The following EVL variants were observed in gnomAD, a reference collection of about 807,000 sequenced individuals.
EVL encodes Enah/Vasp-like.
Under a neutral mutation model 59.6 loss-of-function variants are expected in EVL, and 21 were observed. The observed-to-expected ratio is 0.35, with a 90% CI of 0.25 to 0.51. EVL has a LOEUF of 0.51. EVL is among the 20% of genes least tolerant of loss of function. The pLI, the probability that EVL is intolerant of heterozygous loss-of-function variation, is 0.97. For synonymous variants in EVL, 198 were observed against 203.5 expected (o/e 0.97, Z 0.23); for missense variants, 462 against 546.6 (o/e 0.85, Z 1.54).
At chr14:100,080,826 A>C (rs913544850) in intron 1 of EVL, among the ~76,000 whole-genome samples, 1 of 152,204 alleles carries the variant, frequency 6.6e-6, no homozygotes, top group African/African-American at 2.4e-5. Flanking sequence ...CTCCCCAACT[A>C]ATCAACAGAT....
chr14:100,018,313 G>T (rs2061068489), intron 1 of EVL, among the ~76,000 whole-genome samples: 1 of 152,224 alleles, frequency 6.6e-6, no homozygotes, highest in African/African-American at 2.4e-5. Flanking sequence ...TGGTCCATGG[G>T]CCCGAGAAGG....
intron 2 of EVL, among the ~76,000 whole-genome samples, chr14:100,087,799 G>A (rs940467186): frequency 1.4e-5 from 2 of 146,318 alleles, no homozygotes; most frequent in Non-Finnish European, 3.0e-5. Flanking sequence ...CTCTGCGTGG[G>A]TCATTCTTCC....
intron 1 of EVL, among the ~76,000 whole-genome samples, chr14:100,055,387 T>TAAA: frequency 6.6e-6 from 1 of 152,214 alleles, no homozygotes; most frequent in East Asian, 1.9e-4. Context: ...AGTATTCAGT[T>TAAA]GGATGCTCCC....
At chr14:100,139,885 C>CCAAGT (rs1222720167) in intron 11 of EVL, 1 of 152,226 alleles carries the variant, frequency 6.6e-6, no homozygotes, top group African/African-American at 2.4e-5. Flanking sequence ...TCTTTCAGCA[C>CCAAGT]CAAGTCATGT....
chr14:99,993,037 A>G (rs781019182), intron 1 of EVL, among the ~76,000 whole-genome samples: 2 of 148,882 alleles, frequency 1.3e-5, no homozygotes, highest in African/African-American at 2.5e-5. Context: ...CATTCCAGGC[A>G]TTGGTGGTGG....
At chr14:100,094,074 G>A (rs1885633834) in intron 2 of EVL, among the ~76,000 whole-genome samples, 1 of 152,076 alleles carries the variant, frequency 6.6e-6, no homozygotes, top group African/African-American at 2.4e-5. Flanking sequence ...TATCCACTGG[G>A]GGTCTTGGAA....
chr14:100,102,161 A>G (rs1886262229), intron 3 of EVL: 1 of 434,446 alleles, frequency 2.3e-6, no homozygotes, highest in Non-Finnish European at 4.7e-6. Context: ...CCTTACTGGT[A>G]AGGGTGAACA....
intron 1 of EVL, among the ~76,000 whole-genome samples, chr14:100,002,056 G>C (rs2060949270): frequency 6.6e-6 from 1 of 152,138 alleles, no homozygotes; most frequent in Non-Finnish European, 1.5e-5. Flanking sequence ...TCTGTCAATA[G>C]CTCAAAAGAA....
chr14:100,059,378 T>G (rs992335304), intron 1 of EVL, among the ~76,000 whole-genome samples: 2 of 152,276 alleles, frequency 1.3e-5, no homozygotes, highest in Middle Eastern at 3.4e-3. Flanking sequence ...GGGCAGAAAT[T>G]AGAATTCTAC....
chr14:100,067,771 G>A (rs1463153887), intron 1 of EVL, among the ~76,000 whole-genome samples: 1 of 152,252 alleles, frequency 6.6e-6, no homozygotes, highest in Non-Finnish European at 1.5e-5. Context: ...CTCAGGGACT[G>A]GTAGGGAGTG....
intron 1 of EVL, among the ~76,000 whole-genome samples, chr14:100,017,981 A>G (rs952732282): frequency 2.0e-5 from 3 of 152,266 alleles, no homozygotes; most frequent in Non-Finnish European, 4.4e-5. Flanking sequence ...GTGCGAATGC[A>G]TGTACTGGAT....
chr14:100,037,929 A>G (rs2061411562), intron 1 of EVL, among the ~76,000 whole-genome samples: 2 of 152,240 alleles, frequency 1.3e-5, no homozygotes, highest in South Asian at 2.1e-4. Context: ...ACAATATGTC[A>G]TTTCATTAAC....
chr14:100,130,652 T>C lies in EVL; in HGVS notation c.839+968T>C, dbSNP rs546917499. On this transcript the variant is annotated intron_variant, in intron 7 of 13. Coordinates refer to ENST00000392920, the MANE Select transcript of EVL (RefSeq NM_016337.3). The surrounding 1 kb of genome is among the most constrained non-coding windows in gnomAD (Gnocchi z 4.8). ...CTCTCATTACCTTCCCGTGGCTCCA[T>C]GAGGATGATGCGAGATGACAGAGGC... Among the ~76,000 whole-genome samples, 276 of 152,262 alleles carry C rather than the reference T, an allele frequency of 1.8e-3. No homozygotes were observed. The highest frequency in any genetic ancestry group is 4.6e-3 in the Admixed American group (70 of 15,298).
chr14:100,121,607 G>C (rs1018702757), intron 3 of EVL, among the ~76,000 whole-genome samples: 18 of 152,226 alleles, frequency 1.2e-4, no homozygotes, highest in African/African-American at 4.3e-4. Flanking sequence ...CTTAGGTGCA[G>C]GGGCCAGAGC....
At position 100,137,601 on chromosome 14, in the gene EVL, C is replaced by T. The variant is rs1331970205; in HGVS notation, c.988C>T (p.Arg330Trp). 3.7e-6 allele frequency: 6 copies of T among 1,613,976 alleles called. No homozygotes were observed. Among genetic ancestry groups the T allele is most frequent in the East Asian group, 2.2e-5 (1 of 44,882 alleles). ...SSEAGRKPWE[R>W]SNSVEKPVSS... ...AGAGGCTGGCCGGAAGCCCTGGGAG[C>T]GGAGCAACTCGGTGGAGAAGCCTGT... The change falls in exon 10 of 14, where the codon CGG (arginine) becomes TGG (tryptophan). Residue 330 changes from arginine to tryptophan, a missense_variant. Arg to Trp is a moderately radical substitution (Grantham distance 101). Transcript: ENST00000392920.
At chr14:100,101,972 TG>T (rs1265560575) in intron 3 of EVL, among the ~76,000 whole-genome samples, 3 of 152,030 alleles carry the variant, frequency 2.0e-5, no homozygotes, top group Non-Finnish European at 4.4e-5. Flanking sequence ...TGAGAAGCTG[TG>T]ATTACAGGCG....
At chr14:100,051,823 G>C (rs1465308806) in intron 1 of EVL, among the ~76,000 whole-genome samples, 1 of 152,102 alleles carries the variant, frequency 6.6e-6, no homozygotes, top group African/African-American at 2.4e-5. Flanking sequence ...GGCCAATGTC[G>C]ATCTGTTAGG....
At chr14:100,085,502 G>T (rs188016597) in intron 2 of EVL, among the ~76,000 whole-genome samples, 1 of 152,108 alleles carries the variant, frequency 6.6e-6, no homozygotes, top group Admixed American at 6.5e-5. Flanking sequence ...TGGTTAGTTC[G>T]GTGCTCTCCC....
intron 3 of EVL, among the ~76,000 whole-genome samples, chr14:100,099,744 A>C (rs55782537): frequency 0.078 from 9,287 of 119,136 alleles, 845 homozygotes; most frequent in African/African-American, 0.24. Flanking sequence ...TTTTTTTTTT[A>C]ATTTTATTTT....
Sources: allele counts gnomAD v4.1 joint callset (sites outside exome capture counted in the v4.1 genomes callset), GRCh38; gene constraint gnomAD v4.1.1; non-coding constraint Gnocchi (gnomAD v3.1); transcripts MANE v1.5; gene names NCBI Gene and HGNC (gene_info 2026-07-23, HGNC 2026-07-21).